The following HPSE2 variants were observed in gnomAD, a reference collection of about 807,000 sequenced individuals.
The protein encoded by HPSE2 is heparanase 2 (inactive), also known as inactive heparanase-2.
In HPSE2, 38 loss-of-function variants were observed where a neutral mutation model predicts 60.5. The observed-to-expected ratio is 0.63, with a 90% CI of 0.48 to 0.82. The LOEUF is 0.82. Among genes scored for constraint, HPSE2 ranks in the 40% least tolerant of loss-of-function variants. HPSE2 has a pLI of 0.00. For synonymous variants in HPSE2, 295 were observed against 293.2 expected, an observed-to-expected ratio of 1.01 and a Z score of -0.06; for missense variants, 713 against 740.4, an observed-to-expected ratio of 0.96 and a Z score of 0.43.
intron 9 of HPSE2, among the ~76,000 whole-genome samples, chr10:98,531,696 C>CT (rs1011526245): frequency 9.2e-5 from 14 of 151,876 alleles, no homozygotes; most frequent in East Asian, 3.9e-4. Flanking sequence ...TGGGCTTTTT[C>CT]TTTTTTTTGA....
intron 9 of HPSE2, among the ~76,000 whole-genome samples, chr10:98,598,428 A>G (rs1476503612): frequency 1.6e-4 from 25 of 151,980 alleles, no homozygotes; most frequent in Admixed American, 1.6e-3. Flanking sequence ...TGGAGCCTGT[A>G]TCTGTGGGGA....
chr10:99,251,081 T>G, the HPSE2 span, among the ~76,000 whole-genome samples: 1 of 151,986 alleles, frequency 6.6e-6, no homozygotes, highest in Non-Finnish European at 1.5e-5. Flanking sequence ...TTTGAAAGGA[T>G]CAAGATCAAT....
At chr10:98,812,195 T>G (rs1951183989) in intron 3 of HPSE2, among the ~76,000 whole-genome samples, 1 of 152,174 alleles carries the variant, frequency 6.6e-6, no homozygotes, top group South Asian at 2.1e-4. Flanking sequence ...GTCTTCTTAT[T>G]GGTAACCGTT....
intron 3 of HPSE2, among the ~76,000 whole-genome samples, chr10:98,872,513 C>T (rs1952760733): frequency 6.6e-6 from 1 of 151,990 alleles, no homozygotes; most frequent in Admixed American, 6.6e-5. Flanking sequence ...CAAAAAAGCA[C>T]CTTACTTTTT....
the HPSE2 span, among the ~76,000 whole-genome samples, chr10:99,297,618 T>A: frequency 1.3e-5 from 2 of 152,168 alleles, no homozygotes; most frequent in African/African-American, 4.8e-5. Context: ...AACTTTCTGT[T>A]AATTGTGTGT....
At chr10:99,144,480 C>T (rs1422517697) in intron 2 of HPSE2, 81 bp from the exon 3 acceptor site, 16 of 1,517,270 alleles carry the variant, frequency 1.1e-5, no homozygotes, top group African/African-American at 2.8e-5. Flanking sequence ...CTTGTTTCAC[C>T]CAAAATGACA....
chr10:98,521,868 C>A (rs557073073), intron 9 of HPSE2, among the ~76,000 whole-genome samples: 1 of 152,028 alleles, frequency 6.6e-6, no homozygotes, highest in South Asian at 2.1e-4. Context: ...TCATTCTCAG[C>A]AAACTATCAC....
upstream of HPSE2, among the ~76,000 whole-genome samples, chr10:99,237,872 T>G (rs1394911044): frequency 6.6e-6 from 1 of 152,254 alleles, no homozygotes; most frequent in Non-Finnish European, 1.5e-5. Context: ...GTTCCCAGAC[T>G]GGAGCACTTA....
chr10:99,203,732 C>T (rs1192772903), intron 2 of HPSE2, among the ~76,000 whole-genome samples: 1 of 152,054 alleles, frequency 6.6e-6, no homozygotes, highest in African/African-American at 2.4e-5. Context: ...AACCGCCAGG[C>T]TGGCCCTAGT....
intron 3 of HPSE2, among the ~76,000 whole-genome samples, chr10:99,088,622 G>T (rs1445968147): frequency 6.6e-6 from 1 of 152,078 alleles, no homozygotes; most frequent in African/African-American, 2.4e-5. Flanking sequence ...CATTTGGGCG[G>T]GTTCCACATT....
chr10:99,068,713 G>A (rs1249593061), intron 3 of HPSE2, among the ~76,000 whole-genome samples: 1 of 152,036 alleles, frequency 6.6e-6, no homozygotes, highest in Non-Finnish European at 1.5e-5. Flanking sequence ...TCAAAAAATT[G>A]TCAAACTTTT....
chr10:98,943,710 T>C (rs1564678234), intron 3 of HPSE2, among the ~76,000 whole-genome samples: 1 of 152,150 alleles, frequency 6.6e-6, no homozygotes, highest in Non-Finnish European at 1.5e-5. Flanking sequence ...AGGAAGCCTA[T>C]AGAAAGCCTA....
intron 4 of HPSE2, among the ~76,000 whole-genome samples, chr10:98,735,906 G>A (rs1232622007): frequency 6.6e-6 from 1 of 152,170 alleles, no homozygotes; most frequent in Non-Finnish European, 1.5e-5. Flanking sequence ...ACCTTGGACT[G>A]TGTACTTTTG....
chr10:99,016,164 G>GCCT (rs1358881827), intron 3 of HPSE2, among the ~76,000 whole-genome samples: 1 of 152,126 alleles, frequency 6.6e-6, no homozygotes, highest in Non-Finnish European at 1.5e-5. Context: ...GGATTTTAAA[G>GCCT]TTTTGAGTGT....
At chr10:98,586,431 T>C (rs1426781569) in intron 9 of HPSE2, among the ~76,000 whole-genome samples, 7 of 152,210 alleles carry the variant, frequency 4.6e-5, no homozygotes, top group Non-Finnish European at 1.0e-4. Context: ...ACCTTCTACA[T>C]CCATTTCCAC....
intron 9 of HPSE2, among the ~76,000 whole-genome samples, chr10:98,604,979 C>T (rs1326770421): frequency 6.6e-6 from 1 of 152,184 alleles, no homozygotes; most frequent in Non-Finnish European, 1.5e-5. Context: ...TGCCTTCCTG[C>T]TGTCACTTCA....
chr10:99,124,204 T>C (rs893513453), intron 3 of HPSE2, among the ~76,000 whole-genome samples: 1 of 152,200 alleles, frequency 6.6e-6, no homozygotes, highest in African/African-American at 2.4e-5. Context: ...GATTTCTGCC[T>C]GAGTCTGACT....
chr10:98,604,894 T>C (rs1390972066), intron 9 of HPSE2, among the ~76,000 whole-genome samples: 8 of 152,116 alleles, frequency 5.3e-5, no homozygotes, highest in Admixed American at 1.3e-4. Context: ...AATGAGTGAG[T>C]TGGTGTCAGA....
intron 2 of HPSE2, among the ~76,000 whole-genome samples, chr10:99,172,875 C>CA (rs750960291): frequency 2.0e-5 from 3 of 146,370 alleles, no homozygotes; most frequent in African/African-American, 7.3e-5. Context: ...AACTCTGTCT[C>CA]AAAAAAAGAA....
Sources: gnomAD v4.1 joint callset for allele counts (sites outside exome capture counted in the v4.1 genomes callset) on GRCh38, gnomAD v4.1.1 for gene constraint, MANE v1.5 for transcripts, NCBI Gene and HGNC (gene_info 2026-07-23, HGNC 2026-07-21) for gene names.